Variants in TMEM41B observed in about 807,000 individuals in gnomAD.
TMEM41B encodes the protein transmembrane protein 41B, also known as protein stasimon.
In TMEM41B, 18 loss-of-function variants were observed where a neutral mutation model predicts 31.9. The ratio of observed to expected loss-of-function variants is 0.56; its 90% CI spans 0.39 to 0.84. The LOEUF (loss-of-function observed/expected upper bound fraction) is 0.84, where lower values mean the gene tolerates loss of function less well. Among genes scored for constraint, TMEM41B ranks in the 40% least tolerant of loss-of-function variants. The pLI is 0.00. For synonymous variants in TMEM41B, 144 were observed against 124.3 expected (o/e 1.16, Z -1.05); for missense variants, 322 against 348.0 (o/e 0.93, Z 0.59).
In TMEM41B at chr11:9,282,321, T is replaced by C. The variant is rs1051813474; in HGVS notation, c.*1103A>G. The C allele has an allele frequency of 4.7e-5, 7 of 148,834 alleles. No individual in the cohort carries two copies. The highest frequency in any genetic ancestry group is 1.5e-4 in the African/African-American group (6 of 40,018). The allele number at this position is 148,834 out of a possible 1,614,324, so 9.2% of individuals were successfully genotyped here. ...TGAACCCAGGAGGCGGAGTTTGCAGTGAGCCGAGATCACACCACGCACTCC... is the reference window on the plus strand; with the variant it reads ...TGAACCCAGGAGGCGGAGTTTGCAGCGAGCCGAGATCACACCACGCACTCC... On this transcript the variant is annotated 3_prime_UTR_variant, in exon 7 of 7. Coordinates refer to ENST00000528080, the MANE Select transcript of TMEM41B (RefSeq NM_015012.4).
At chr11:9,289,435 C>T (rs11042267) in intron 3 of TMEM41B, among the ~76,000 whole-genome samples, 60,741 of 151,766 alleles carry the variant, frequency 0.4, 12,912 homozygotes, top group East Asian at 0.5. Flanking sequence ...TCCATCTATC[C>T]TCACTCATTA....
Position 9,283,336 on chromosome 11 carries a change from C to G in TMEM41B, c.*88G>C. On this transcript the variant is annotated 3_prime_UTR_variant, in exon 7 of 7. Coordinates refer to ENST00000528080, the MANE Select transcript of TMEM41B (RefSeq NM_015012.4). ...ATTTTACAAATTCCTTGTTTAATTA[C>G]TGAAGAGGTGATTTTAAAACATAAA... 2.0e-6 allele frequency: 2 copies of G among 1,012,586 alleles called. No individual in the cohort carries two copies. The highest frequency in any genetic ancestry group is 1.4e-6 in the Non-Finnish European group (1 of 702,748). The allele number at this position is 1,012,586 out of a possible 1,614,324, so 62.7% of individuals were successfully genotyped here.
rs974916362 is a variant in TMEM41B at position 9,314,511 on chromosome 11, C to G, written c.-70G>C. The G allele has an allele frequency of 1.4e-6, 2 of 1,480,862 alleles. No homozygotes were observed. Among genetic ancestry groups the G allele is most frequent in the Non-Finnish European group, 1.8e-6 (2 of 1,111,596 alleles). The allele number at this position is 1,480,862 out of a possible 1,614,324, so 91.7% of individuals were successfully genotyped here. A position where few individuals can be genotyped will look rare whatever the true frequency, so the allele number is the denominator to read the frequency against. On this transcript the variant is annotated 5_prime_UTR_variant, in exon 1 of 7. Transcript: ENST00000528080. ...AACAACAAAACTCTGTTGCAGGCTC[C>G]TTACTACGCCGAAGCGCCACGGCTA...
At chr11:9,303,315 T>A (rs1853300894) in intron 1 of TMEM41B, among the ~76,000 whole-genome samples, 1 of 152,120 alleles carries the variant, frequency 6.6e-6, no homozygotes, top group Non-Finnish European at 1.5e-5. Context: ...ATTTTTATAT[T>A]TTTAGTAGAG....
At chr11:9,297,034 C>A (rs1853111207) in intron 2 of TMEM41B, among the ~76,000 whole-genome samples, 1 of 152,294 alleles carries the variant, frequency 6.6e-6, no homozygotes, top group East Asian at 1.9e-4. Context: ...GTGATCCTCC[C>A]ACCTCAGACT....
At chr11:9,288,370 G>A (rs991733145) in intron 4 of TMEM41B, 72 bp downstream of exon 4, 2 of 1,077,626 alleles carry the variant, frequency 1.9e-6, no homozygotes, top group Middle Eastern at 2.4e-4. Flanking sequence ...GACTAGTAGG[G>A]TTAAAGTATC....
At chr11:9,290,482 T>C (rs1852930978) in intron 3 of TMEM41B, among the ~76,000 whole-genome samples, 1 of 151,956 alleles carries the variant, frequency 6.6e-6, no homozygotes, top group South Asian at 2.1e-4. Flanking sequence ...CAAACCAACG[T>C]GGCACACATA....
In TMEM41B at chr11:9,299,674, G is replaced by C; in HGVS notation, c.149C>G (p.Ala50Gly). 1 of 1,612,526 alleles carries C rather than the reference G, an allele frequency of 6.2e-7. No homozygotes were observed. The highest frequency in any genetic ancestry group is 1.1e-5 in the South Asian group (1 of 90,556). ...CACCAATATAAGGAGTGACATTCTT[G>C]CTGATCCAGCTTCTACCCAGGATTT... Reference protein sequence around the residue: ...KEKSWVEAGSARMSLLILVSI... With the variant: ...KEKSWVEAGSGRMSLLILVSI... Residue 50 changes from alanine (A) to glycine (G), a missense_variant, in exon 2 of 7, where the codon GCA (alanine) becomes GGA (glycine). Around this residue, in one of 3 missense-constraint regions of TMEM41B, gnomAD observed 183 missense variants for 175.3 expected, o/e 1.04. Coordinates refer to ENST00000528080, the MANE Select transcript of TMEM41B (RefSeq NM_015012.4).
chr11:9,287,649 G>A, intron 5 of TMEM41B, 53 bp downstream of exon 5: 1 of 1,298,404 alleles, frequency 7.7e-7, no homozygotes, highest in Non-Finnish European at 1.1e-6. Context: ...ACTAAACACA[G>A]ACCTTCCAAT....
intron 2 of TMEM41B, among the ~76,000 whole-genome samples, chr11:9,296,428 C>G (rs1171220278): frequency 1.3e-5 from 2 of 151,470 alleles, no homozygotes; most frequent in African/African-American, 4.8e-5. Flanking sequence ...GAGTTCGAGA[C>G]CAGCCTGGCA....
At chr11:9,296,364 G>A (rs942717915) in intron 2 of TMEM41B, among the ~76,000 whole-genome samples, 8 of 151,762 alleles carry the variant, frequency 5.3e-5, no homozygotes, top group African/African-American at 1.9e-4. Flanking sequence ...GGTGGCTCAC[G>A]CCTGTAACCC....
intron 3 of TMEM41B, chr11:9,295,035 G>C (rs770124481): frequency 5.1e-6 from 3 of 585,572 alleles, no homozygotes; most frequent in Non-Finnish European, 4.7e-6. Context: ...GAAAAAAGCA[G>C]AATACAAAAG....
intron 2 of TMEM41B, among the ~76,000 whole-genome samples, chr11:9,298,487 G>A (rs1853155549): frequency 6.6e-6 from 1 of 150,828 alleles, no homozygotes; most frequent in Non-Finnish European, 1.5e-5. Context: ...ATTGTGGGCT[G>A]GGCACAGTGG....
chr11:9,300,644 C>T (rs572105223), intron 1 of TMEM41B, among the ~76,000 whole-genome samples: 161 of 152,040 alleles, frequency 1.1e-3, no homozygotes, highest in Non-Finnish European at 1.9e-3. Flanking sequence ...TTTGGGAGGC[C>T]GAAGCGGGCA....
At chr11:9,305,502 A>G (rs538738871) in intron 1 of TMEM41B, among the ~76,000 whole-genome samples, 1 of 152,178 alleles carries the variant, frequency 6.6e-6, no homozygotes, top group Admixed American at 6.6e-5. Context: ...GGGGAGGCTA[A>G]GGCACAAGAA....
chr11:9,313,255 G>GA (rs1853605721), intron 1 of TMEM41B, among the ~76,000 whole-genome samples: 1 of 148,434 alleles, frequency 6.7e-6, no homozygotes, highest in South Asian at 2.2e-4. Flanking sequence ...ATATAAGCTG[G>GA]AAAAATACCC....
intron 1 of TMEM41B, chr11:9,311,283 T>A: frequency 6.6e-7 from 1 of 1,512,350 alleles, no homozygotes. Context: ...CTGTATTCAG[T>A]CAGAATCACT....
At chr11:9,292,948 G>A (rs954883856) in intron 3 of TMEM41B, among the ~76,000 whole-genome samples, 2 of 152,126 alleles carry the variant, frequency 1.3e-5, no homozygotes. Context: ...CCATCCTAAT[G>A]AGTGTGAGGT....
Position 9,287,039 on chromosome 11 carries a change from C to T in TMEM41B, c.568-446G>A, listed in dbSNP as rs189204981. ...AATCATCAAAAAAGGCCAGTGGTGA[C>T]TCATGCCTATAATCCCAGCACTTTG... On this transcript the variant is annotated intron_variant, in intron 5 of 6. Coordinates refer to ENST00000528080, the MANE Select transcript of TMEM41B (RefSeq NM_015012.4). 2.9e-3 allele frequency among the ~76,000 whole-genome samples: 423 copies of T among 146,102 alleles called. 7 individuals carry two copies. The highest frequency in any genetic ancestry group is 4.8e-4 in the Non-Finnish European group (32 of 66,242).
Sources: allele counts gnomAD v4.1 joint callset (sites outside exome capture counted in the v4.1 genomes callset), GRCh38; gene constraint gnomAD v4.1.1; regional missense constraint gnomAD v4.1.1; transcripts MANE v1.5; gene names NCBI Gene and HGNC (gene_info 2026-07-23, HGNC 2026-07-21).